CTDP1: variants seen among roughly 807,000 people sequenced by gnomAD.
The protein encoded by CTDP1 is CTD phosphatase 1, also known as RNA polymerase II subunit A C-terminal domain phosphatase.
In CTDP1, 47 loss-of-function variants were observed where a neutral mutation model predicts 91.8. That is an observed-to-expected ratio of 0.51 (90% confidence interval 0.41 to 0.65). CTDP1 has a LOEUF of 0.65. Ranked by LOEUF, CTDP1 falls within the 30% of genes least tolerant of loss-of-function variation. The pLI, the probability that CTDP1 is intolerant of heterozygous loss-of-function variation, is 0.00. For missense variants in CTDP1, 1,272 were observed against 1,373.7 expected, an observed-to-expected ratio of 0.93 and a Z score of 1.17; for synonymous variants, 656 against 598.5, an observed-to-expected ratio of 1.10 and a Z score of -1.40.
intron 5 of CTDP1, among the ~76,000 whole-genome samples, chr18:79,709,484 A>G (rs1480039504): frequency 1.3e-5 from 2 of 152,230 alleles, no homozygotes; most frequent in African/African-American, 2.4e-5. Flanking sequence ...ATGTTTGCAG[A>G]TAGCTTGGTT....
intron 2 of CTDP1, among the ~76,000 whole-genome samples, 160 bp downstream of exon 2, chr18:79,695,468 T>C (rs997675408): frequency 5.3e-5 from 8 of 151,938 alleles, no homozygotes; most frequent in African/African-American, 1.9e-4. Context: ...ACTCAATGGG[T>C]TTCCCTGGAG....
chr18:79,717,423 C>T (rs949339285), intron 8 of CTDP1, 112 bp from the exon 9 acceptor site: 1 of 1,502,026 alleles, frequency 6.7e-7, no homozygotes, highest in Admixed American at 1.7e-5. Flanking sequence ...AGTGAGGGCC[C>T]TGAGCCCTGG....
rs777077877 is a variant in CTDP1, at chr18:79,713,115, G to A, written c.1007G>A (p.Arg336Gln). Residue 336 changes from arginine (R) to glutamine (Q), a missense_variant, in exon 7 of 13, where the codon CGA (arginine) becomes CAA (glutamine). Arg to Gln is a conservative substitution (Grantham distance 43, BLOSUM62 1). Around this residue, in one of 3 missense-constraint regions of CTDP1, gnomAD observed 881 missense variants for 911.6 expected, o/e 0.97. Coordinates refer to ENST00000613122, the MANE Select transcript of CTDP1 (RefSeq NM_004715.5). The surrounding 1 kb of genome is among the most constrained non-coding windows in gnomAD (Gnocchi z 4.7). ...GATATGAATGCGCCCCCTGGGTCCC[G>A]AGAATCTCAGACGAGAAAGAAAGGT... ...TGDMNAPPGS[R>Q]ESQTRKKVNH... The A allele has an allele frequency of 2.5e-5, 41 of 1,613,874 alleles. No individual in the cohort carries two copies. The East Asian group carries it at 7.6e-4, about 30-fold the overall frequency.
chr18:79,695,455 C>T (rs1200825457), intron 2 of CTDP1, 147 bp downstream of exon 2: 12 of 735,672 alleles, frequency 1.6e-5, no homozygotes, highest in Admixed American at 8.0e-5. Flanking sequence ...CCATACGAGT[C>T]ACACTCAATG....
chr18:79,714,968 T>G lies in CTDP1; in HGVS notation c.1508T>G (p.Leu503Arg). Reference protein sequence around the residue: ...GAGALAQGSSLEPGRPAAPSL... With the variant: ...GAGALAQGSSREPGRPAAPSL... ...GGGGCGCTGGCACAGGGCAGTTCCC[T>G]GGAGCCGGGGCGGCCTGCAGCACCG... Residue 503 changes from leucine (L) to arginine (R), a missense_variant, in exon 8 of 13, where the codon CTG becomes CGG. Coordinates refer to ENST00000613122, the MANE Select transcript of CTDP1 (RefSeq NM_004715.5). The G allele has an allele frequency of 6.4e-7, 1 of 1,568,568 alleles. No homozygotes were observed. The highest frequency in any genetic ancestry group is 8.6e-7 in the Non-Finnish European group (1 of 1,157,478).
chr18:79,721,481 C>T (rs1051134787), intron 10 of CTDP1, among the ~76,000 whole-genome samples: 5 of 152,160 alleles, frequency 3.3e-5, no homozygotes, highest in African/African-American at 1.2e-4. Flanking sequence ...AGGACAGATA[C>T]GTGCACTGAA....
chr18:79,742,516 G>A (rs1361570894), intron 12 of CTDP1, among the ~76,000 whole-genome samples: 2 of 152,248 alleles, frequency 1.3e-5, no homozygotes, highest in African/African-American at 4.8e-5. Context: ...AAGCTCTTCA[G>A]GCTGAAAGCA....
chr18:79,736,726 C>T (rs189334005), intron 12 of CTDP1, among the ~76,000 whole-genome samples: 12 of 142,464 alleles, frequency 8.4e-5, no homozygotes, highest in Admixed American at 3.0e-4. Flanking sequence ...TGTGTGCAGG[C>T]GTGTGAGGTG....
chr18:79,719,080 G>A (rs1393764344), intron 10 of CTDP1, among the ~76,000 whole-genome samples: 2 of 152,238 alleles, frequency 1.3e-5, no homozygotes, highest in African/African-American at 4.8e-5. Context: ...CCGAACCTGG[G>A]TGGACAGGTG....
At chr18:79,725,348 C>G (rs1256914258) in intron 10 of CTDP1, among the ~76,000 whole-genome samples, 3 of 152,200 alleles carry the variant, frequency 2.0e-5, no homozygotes, top group Non-Finnish European at 4.4e-5. Context: ...CCCTTCCTTT[C>G]ACATATTCGG....
intron 5 of CTDP1, among the ~76,000 whole-genome samples, chr18:79,709,622 T>C (rs2086039696): frequency 6.6e-6 from 1 of 152,236 alleles, no homozygotes; most frequent in African/African-American, 2.4e-5. Flanking sequence ...AAATGTAGCC[T>C]AAGCGGATTC....
intron 1 of CTDP1, among the ~76,000 whole-genome samples, chr18:79,691,542 TGGGGGAGGAG>T (rs2085623864): frequency 7.8e-5 from 1 of 12,876 alleles, no homozygotes; most frequent in Non-Finnish European, 1.4e-4. Flanking sequence ...GGACTCGGGG[TGGGGGAGGAG>T]TGGACGGCTC....
At chr18:79,712,332 A>T (rs1056315150) in intron 6 of CTDP1, among the ~76,000 whole-genome samples, 20 of 152,134 alleles carry the variant, frequency 1.3e-4, no homozygotes, top group Non-Finnish European at 2.1e-4. Flanking sequence ...CCCAGGCTTA[A>T]GTGCAGTAGT....
At chr18:79,731,966 AACTC>A (rs1218539207) in intron 11 of CTDP1, among the ~76,000 whole-genome samples, 4 of 151,838 alleles carry the variant, frequency 2.6e-5, no homozygotes, top group African/African-American at 7.3e-5. Flanking sequence ...GAGACATGAG[AACTC>A]ACTAACATGA....
chr18:79,710,291 G>T, intron 5 of CTDP1, 55 bp from the exon 6 acceptor site: 3 of 1,374,184 alleles, frequency 2.2e-6, no homozygotes, highest in Non-Finnish European at 3.1e-6. Flanking sequence ...ACCATGTGCC[G>T]TGTGACCGAA....
chr18:79,722,329 G>A (rs745943493), intron 10 of CTDP1, among the ~76,000 whole-genome samples: 19 of 152,198 alleles, frequency 1.2e-4, no homozygotes, highest in Non-Finnish European at 7.3e-5. Flanking sequence ...GTTTCGAATG[G>A]CACGTCATAA....
chr18:79,738,248 GC>G (rs1177204196), intron 12 of CTDP1, among the ~76,000 whole-genome samples: 1 of 152,206 alleles, frequency 6.6e-6, no homozygotes. Flanking sequence ...CTGCTCCGAG[GC>G]CGTCCGAGGT....
chr18:79,684,312 T>C (rs1422086657), intron 1 of CTDP1, among the ~76,000 whole-genome samples: 2 of 152,220 alleles, frequency 1.3e-5, no homozygotes, highest in Non-Finnish European at 2.9e-5. Flanking sequence ...CTTTATAGCA[T>C]GGAATTTTAA....
chr18:79,723,699 C>T (rs2086391483), intron 10 of CTDP1, among the ~76,000 whole-genome samples: 1 of 152,098 alleles, frequency 6.6e-6, no homozygotes, highest in African/African-American at 2.4e-5. Flanking sequence ...GGAACAGGCT[C>T]ACCACTAGGA....
Sources: gnomAD v4.1 joint callset for allele counts (sites outside exome capture counted in the v4.1 genomes callset) on GRCh38, gnomAD v4.1.1 for gene constraint, gnomAD v4.1.1 regional missense constraint, Gnocchi (gnomAD v3.1) non-coding constraint, MANE v1.5 for transcripts, NCBI Gene and HGNC (gene_info 2026-07-23, HGNC 2026-07-21) for gene names.